CPLANE1: variants seen among roughly 807,000 people sequenced by gnomAD.
The protein encoded by CPLANE1 is ciliogenesis and planar polarity effector 1.
Under a neutral mutation model 362.5 loss-of-function variants are expected in CPLANE1, and 263 were observed. The observed-to-expected ratio is 0.73, with a 90% CI of 0.66 to 0.80. The LOEUF (loss-of-function observed/expected upper bound fraction) is 0.80, where lower values mean the gene tolerates loss of function less well. Among genes scored for constraint, CPLANE1 ranks in the 30% least tolerant of loss-of-function variants. The pLI is 0.00. For synonymous variants in CPLANE1, 1,212 were observed against 1,302.6 expected (o/e 0.93, Z 1.50); for missense variants, 3,461 against 3,793.4 (o/e 0.91, Z 2.30).
At chr5:37,166,974 A>T in intron 35 of CPLANE1, 73 bp downstream of exon 35, 1 of 1,222,588 alleles carries the variant, frequency 8.2e-7, no homozygotes, top group Non-Finnish European at 1.2e-6. Context: ...GAACCAGATT[A>T]CTGTGTGATT....
intron 21 of CPLANE1, among the ~76,000 whole-genome samples, chr5:37,194,540 A>G (rs2151336470): frequency 6.6e-6 from 1 of 152,218 alleles, no homozygotes; most frequent in South Asian, 2.1e-4. Context: ...AACTAAGCTC[A>G]TGACAGGTGA....
the CPLANE1 span, among the ~76,000 whole-genome samples, chr5:37,088,557 T>C: frequency 0.033 from 4,987 of 152,216 alleles, 98 homozygotes; most frequent in Middle Eastern, 0.065. Flanking sequence ...GGCAAATCAG[T>C]GCATGTGTAA....
intron 24 of CPLANE1, among the ~76,000 whole-genome samples, chr5:37,185,456 G>A (rs1045965437): frequency 6.6e-6 from 1 of 151,758 alleles, no homozygotes; most frequent in African/African-American, 2.4e-5. Context: ...GATAAAATGA[G>A]GATAATTCTA....
chr5:37,238,825 A>C (rs1234629558), intron 8 of CPLANE1, 32 bp downstream of exon 8: 6 of 1,300,874 alleles, frequency 4.6e-6, no homozygotes, highest in Non-Finnish European at 6.3e-6. Flanking sequence ...AAAAGAAAAA[A>C]AGAAAAAAAA....
chr5:37,082,064 G>A, the CPLANE1 span, among the ~76,000 whole-genome samples: 2 of 150,194 alleles, frequency 1.3e-5, no homozygotes, highest in Admixed American at 1.3e-4. Flanking sequence ...TTGCACTCCA[G>A]CCTGGGCAAC....
chr5:37,160,594 C>G (rs1776576992), intron 38 of CPLANE1, among the ~76,000 whole-genome samples: 2 of 151,222 alleles, frequency 1.3e-5, no homozygotes, highest in South Asian at 4.2e-4. Flanking sequence ...TTCTCAAATG[C>G]AGAGTCATCA....
intron 47 of CPLANE1, among the ~76,000 whole-genome samples, chr5:37,124,363 T>C (rs1165720126): frequency 6.6e-6 from 1 of 152,160 alleles, no homozygotes; most frequent in African/African-American, 2.4e-5. Context: ...AAAATATACC[T>C]GACCTAGCCT....
the CPLANE1 span, among the ~76,000 whole-genome samples, chr5:37,089,443 T>C: frequency 6.6e-6 from 1 of 152,136 alleles, no homozygotes; most frequent in Non-Finnish European, 1.5e-5. Flanking sequence ...CAAGATCCGA[T>C]TTGGGTAGAA....
the CPLANE1 span, among the ~76,000 whole-genome samples, chr5:37,099,357 T>A: frequency 6.6e-6 from 1 of 152,200 alleles, no homozygotes; most frequent in Admixed American, 6.5e-5. Context: ...TGTGTTCTCA[T>A]CATTCAGCTC....
chr5:37,237,541 T>C (rs1799277943), intron 8 of CPLANE1, among the ~76,000 whole-genome samples: 1 of 152,200 alleles, frequency 6.6e-6, no homozygotes, highest in Admixed American at 6.5e-5. Context: ...ACACAACATA[T>C]GCATGTAAGA....
intron 7 of CPLANE1, among the ~76,000 whole-genome samples, chr5:37,239,182 T>A (rs1321498262): frequency 2.0e-5 from 3 of 152,222 alleles, no homozygotes; most frequent in Non-Finnish European, 4.4e-5. Flanking sequence ...TTTTCCCTTA[T>A]TCTTTTTTCA....
At chr5:37,090,421 T>C in the CPLANE1 span, among the ~76,000 whole-genome samples, 1 of 152,220 alleles carries the variant, frequency 6.6e-6, no homozygotes, top group African/African-American at 2.4e-5. Flanking sequence ...AGTCACTAGG[T>C]TATGACCCTG....
intron 50 of CPLANE1, among the ~76,000 whole-genome samples, chr5:37,119,788 A>G (rs1762117596): frequency 6.6e-6 from 1 of 151,720 alleles, no homozygotes; most frequent in African/African-American, 2.4e-5. Context: ...GATCAAGACC[A>G]TCCTGGCTAA....
At chr5:37,108,514 T>C (rs532041927) in intron 51 of CPLANE1, 43 bp from the exon 52 acceptor site, 168 of 1,494,740 alleles carry the variant, frequency 1.1e-4, no homozygotes, top group Non-Finnish European at 1.5e-4. Context: ...GATTGATTCA[T>C]TCATTCATTC....
intron 49 of CPLANE1, among the ~76,000 whole-genome samples, chr5:37,120,954 T>G (rs1465480937): frequency 1.3e-5 from 2 of 152,202 alleles, no homozygotes; most frequent in African/African-American, 4.8e-5. Flanking sequence ...TAATAATTTA[T>G]TTTGTCAAAT....
intron 51 of CPLANE1, among the ~76,000 whole-genome samples, chr5:37,109,376 G>C (rs1758459737): frequency 6.6e-6 from 1 of 152,166 alleles, no homozygotes; most frequent in South Asian, 2.1e-4. Context: ...TTTACATTCA[G>C]TCCCTTGAAC....
chr5:37,157,646 GT>G (rs1408670111), intron 40 of CPLANE1, 23 bp downstream of exon 40: 1 of 1,587,962 alleles, frequency 6.3e-7, no homozygotes, highest in African/African-American at 1.3e-5. Context: ...AATTATATTT[GT>G]TTTAAAAGTA....
At chr5:37,114,350 G>A (rs1420327881) in intron 51 of CPLANE1, among the ~76,000 whole-genome samples, 1 of 152,162 alleles carries the variant, frequency 6.6e-6, no homozygotes, top group African/African-American at 2.4e-5. Flanking sequence ...CTCATAGTAA[G>A]ACATGGATAA....
Position 37,157,734 on chromosome 5 carries a change from T to C in CPLANE1, c.7947A>G (p.Ala2649=). ...QSDHLAVPSS[A]ELHYMAASVT... is the part of the protein sequence containing the mutation. ...CTGAAGCTGCCATATAATGTAACTC[T>C]GCAGACGATGGAACTGCTAGATGAT... is the stretch of plus-strand genomic sequence containing the variant. The change falls in exon 40 of 53, where the codon GCA becomes GCG. Residue 2649 remains alanine, a synonymous_variant. Coordinates refer to ENST00000651892, the MANE Select transcript of CPLANE1 (RefSeq NM_001384732.1). 2 of 1,613,994 alleles carry C rather than the reference T, an allele frequency of 1.2e-6. No homozygotes were observed. Among genetic ancestry groups the C allele is most frequent in the African/African-American group, 2.7e-5 (2 of 75,042 alleles).
Sources: gnomAD v4.1 joint callset for allele counts (sites outside exome capture counted in the v4.1 genomes callset) on GRCh38, gnomAD v4.1.1 for gene constraint, MANE v1.5 for transcripts, NCBI Gene and HGNC (gene_info 2026-07-23, HGNC 2026-07-21) for gene names.